DDX10: variants seen among roughly 807,000 people sequenced by gnomAD.
DDX10 encodes the protein probable ATP-dependent RNA helicase DDX10.
In DDX10, 74 loss-of-function variants were observed where a neutral mutation model predicts 104.3. That is an observed-to-expected ratio of 0.71 (90% CI 0.59 to 0.86). DDX10 has a LOEUF of 0.86. Among genes scored for constraint, DDX10 ranks in the 40% least tolerant of loss-of-function variants. The probability of loss-of-function intolerance (pLI) is 0.00; values close to 1 mark genes in which losing one functional copy is unlikely to be tolerated. For synonymous variants in DDX10, 351 were observed against 353.4 expected (o/e 0.99, Z 0.08); for missense variants, 952 against 1,040.0 (o/e 0.92, Z 1.16).
intron 10 of DDX10, among the ~76,000 whole-genome samples, chr11:108,712,387 C>T (rs1197610762): frequency 1.3e-5 from 2 of 151,806 alleles, no homozygotes; most frequent in Non-Finnish European, 2.9e-5. Context: ...TGTCTCCTCT[C>T]TTTCAGCCTC....
chr11:108,666,934 C>T lies in DDX10; in HGVS notation c.186+1595C>T, dbSNP rs144114382. Among the ~76,000 whole-genome samples the T allele has an allele frequency of 3.8e-3, 576 of 152,260 alleles. 3 individuals carry two copies. Among genetic ancestry groups the T allele is most frequent in the Admixed American group, 6.5e-3 (100 of 15,308 alleles). On this transcript the variant is annotated intron_variant, in intron 1 of 17. Coordinates refer to ENST00000322536, the MANE Select transcript of DDX10 (RefSeq NM_004398.4). ...TCCTAGCTCCACCATCTCAGCAGAC[C>T]GTAGAGCTAGAAACCTAGGAGCAGT...
At chr11:108,867,170 G>T (rs2134619654) in intron 16 of DDX10, among the ~76,000 whole-genome samples, 1 of 152,276 alleles carries the variant, frequency 6.6e-6, no homozygotes, top group East Asian at 1.9e-4. Flanking sequence ...CTGGAAAGTA[G>T]AGATTCTTAA....
intron 13 of DDX10, among the ~76,000 whole-genome samples, chr11:108,782,391 T>G (rs181927670): frequency 6.6e-6 from 1 of 152,206 alleles, no homozygotes; most frequent in South Asian, 2.1e-4. Flanking sequence ...TTTCCTCAGC[T>G]GCAGTTAAAT....
chr11:108,865,557 G>T (rs1020964701), intron 16 of DDX10, among the ~76,000 whole-genome samples: 5 of 152,114 alleles, frequency 3.3e-5, no homozygotes, highest in South Asian at 2.1e-4. Flanking sequence ...ATTTGGGAGG[G>T]TCTTATCAGG....
intron 13 of DDX10, among the ~76,000 whole-genome samples, chr11:108,725,833 C>G (rs1240911553): frequency 3.3e-5 from 5 of 151,896 alleles, no homozygotes; most frequent in Non-Finnish European, 7.4e-5. Context: ...ATATATGTGT[C>G]GTATCTGATA....
At chr11:108,818,006 T>A (rs1281662647) in intron 13 of DDX10, among the ~76,000 whole-genome samples, 1 of 152,230 alleles carries the variant, frequency 6.6e-6, no homozygotes, top group Non-Finnish European at 1.5e-5. Context: ...GTGAATTTTA[T>A]ACAGCAGTGT....
chr11:108,815,925 C>A (rs974766463), intron 13 of DDX10, among the ~76,000 whole-genome samples: 1 of 152,112 alleles, frequency 6.6e-6, no homozygotes, highest in Non-Finnish European at 1.5e-5. Context: ...CTTAAGTTTT[C>A]TTTTGAATCT....
chr11:108,766,257 A>G (rs901583697), intron 13 of DDX10, among the ~76,000 whole-genome samples: 2 of 152,228 alleles, frequency 1.3e-5, no homozygotes, highest in African/African-American at 4.8e-5. Context: ...GTGGTTATAC[A>G]ATTCATTTTG....
At chr11:108,744,662 C>T (rs2094329217) in intron 13 of DDX10, among the ~76,000 whole-genome samples, 1 of 152,054 alleles carries the variant, frequency 6.6e-6, no homozygotes, top group African/African-American at 2.4e-5. Flanking sequence ...ATTACTGTCC[C>T]AAATATGAAA....
At chr11:108,928,424 G>C (rs1322495048) in intron 17 of DDX10, among the ~76,000 whole-genome samples, 1 of 152,210 alleles carries the variant, frequency 6.6e-6, no homozygotes, top group African/African-American at 2.4e-5. Context: ...TGTGAACCGA[G>C]AGACTGAATG....
intron 13 of DDX10, among the ~76,000 whole-genome samples, chr11:108,772,794 G>A (rs2094364983): frequency 6.6e-6 from 1 of 152,200 alleles, no homozygotes; most frequent in African/African-American, 2.4e-5. Context: ...AACTGCACAT[G>A]TGAGGGATCT....
intron 16 of DDX10, among the ~76,000 whole-genome samples, chr11:108,903,166 G>A (rs1863540751): frequency 6.6e-6 from 1 of 152,036 alleles, no homozygotes; most frequent in South Asian, 2.1e-4. Flanking sequence ...TCTAATTTCA[G>A]AACATTTTGA....
intron 15 of DDX10, among the ~76,000 whole-genome samples, chr11:108,845,671 A>G (rs1457886585): frequency 6.6e-6 from 1 of 152,210 alleles, no homozygotes; most frequent in Non-Finnish European, 1.5e-5. Context: ...TGAAAAAAAA[A>G]CTTCGTAAAA....
chr11:108,707,397 A>G (rs997143459), intron 10 of DDX10, among the ~76,000 whole-genome samples: 8 of 152,044 alleles, frequency 5.3e-5, no homozygotes, highest in Admixed American at 3.9e-4. Context: ...GGCTTCTTTC[A>G]CTTAGTAGTA....
chr11:108,712,324 A>G (rs2094285444), intron 10 of DDX10, among the ~76,000 whole-genome samples: 1 of 152,208 alleles, frequency 6.6e-6, no homozygotes, highest in African/African-American at 2.4e-5. Context: ...TTGGATGAAT[A>G]TCTAATGTAT....
chr11:108,899,514 AAG>A (rs1863487320), intron 16 of DDX10, among the ~76,000 whole-genome samples: 2 of 152,050 alleles, frequency 1.3e-5, no homozygotes, highest in Non-Finnish European at 2.9e-5. Context: ...TTTTTGTAAA[AAG>A]AAAATAAAAT....
intron 13 of DDX10, among the ~76,000 whole-genome samples, chr11:108,809,396 C>G (rs190815759): frequency 1.5e-3 from 226 of 152,300 alleles, no homozygotes; most frequent in African/African-American, 5.1e-3. Context: ...TTTGAGCATA[C>G]GTATCCTTAC....
intron 13 of DDX10, among the ~76,000 whole-genome samples, chr11:108,750,568 T>A (rs184258830): frequency 2.6e-5 from 4 of 152,144 alleles, no homozygotes; most frequent in Non-Finnish European, 4.4e-5. Flanking sequence ...TATGGGGCCC[T>A]TCTTAGAGTA....
intron 9 of DDX10, among the ~76,000 whole-genome samples, chr11:108,702,975 C>G (rs1162646313): frequency 1.3e-5 from 2 of 152,142 alleles, no homozygotes; most frequent in African/African-American, 4.8e-5. Context: ...TTTGGAAGAG[C>G]TGCATAAATT....
Sources: allele counts gnomAD v4.1 joint callset (sites outside exome capture counted in the v4.1 genomes callset), GRCh38; gene constraint gnomAD v4.1.1; transcripts MANE v1.5; gene names NCBI Gene and HGNC (gene_info 2026-07-23, HGNC 2026-07-21).